Variants in SPG7 observed in about 807,000 individuals in gnomAD.
The protein encoded by SPG7 is SPG7 matrix AAA peptidase subunit, paraplegin.
In SPG7, 103 loss-of-function variants were observed where a neutral mutation model predicts 81.9. That is an observed-to-expected ratio of 1.26 (90% CI 1.07 to 1.48). The LOEUF (loss-of-function observed/expected upper bound fraction) is 1.48. Ranked by LOEUF, SPG7 falls within the 40% of genes most tolerant of loss-of-function variation. The pLI is 0.00. For synonymous variants in SPG7, 534 were observed against 444.2 expected, an observed-to-expected ratio of 1.20 and a Z score of -2.54; for missense variants, 1,241 against 1,087.3, an observed-to-expected ratio of 1.14 and a Z score of -1.99.
chr16:89,517,522 G>T (rs561030308), intron 3 of SPG7: 1 of 152,344 alleles, frequency 6.6e-6, no homozygotes, highest in Admixed American at 6.5e-5. Flanking sequence ...CAGTCACCAT[G>T]CCCTTTGCTC....
chr16:89,527,660 C>A (rs1452744454), intron 5 of SPG7, among the ~76,000 whole-genome samples: 2 of 152,150 alleles, frequency 1.3e-5, no homozygotes, highest in Non-Finnish European at 2.9e-5. Flanking sequence ...TGGGAGCTGT[C>A]AGCACGTATG....
chr16:89,536,032 C>G (rs1186489), intron 9 of SPG7, among the ~76,000 whole-genome samples: 18 of 115,864 alleles, frequency 1.6e-4, no homozygotes, highest in African/African-American at 3.0e-4. Flanking sequence ...GTGGCCTTCA[C>G]TGTGGCCTCT....
intron 1 of SPG7, among the ~76,000 whole-genome samples, chr16:89,510,187 C>T: frequency 6.6e-6 from 1 of 151,572 alleles, no homozygotes; most frequent in Non-Finnish European, 1.5e-5. Flanking sequence ...GTTGGCCAGG[C>T]TGGTCTCAAA....
chr16:89,553,377 G>T, intron 14 of SPG7: 1 of 567,496 alleles, frequency 1.8e-6, no homozygotes, highest in Non-Finnish European at 3.2e-6. Flanking sequence ...TTGGTTAATT[G>T]TTGGTAATGG....
At chr16:89,547,804 G>A (rs1053521755) in intron 11 of SPG7, 199 bp from the exon 12 acceptor site, 4 of 573,930 alleles carry the variant, frequency 7.0e-6, no homozygotes, top group Middle Eastern at 3.2e-4. Context: ...GTAGCAATAG[G>A]GTTTCACCCT....
At chr16:89,543,245 C>CCACCAGTGGATTCTTTTTTTTTTTTT (rs2058520948) in intron 9 of SPG7, 1 of 149,324 alleles carries the variant, frequency 6.7e-6, no homozygotes, top group South Asian at 2.2e-4. Flanking sequence ...CCGCGCCTGG[C>CCACCAGTGGATTCTTTTTTTTTTTTT]TATATCCTGT....
chr16:89,544,824 G>A (rs765441231), intron 10 of SPG7, 52 bp downstream of exon 10: 24 of 1,604,278 alleles, frequency 1.5e-5, no homozygotes, highest in Middle Eastern at 1.7e-4. Context: ...GCCCCCACTC[G>A]CTCTGAGTGG....
intron 6 of SPG7, chr16:89,530,382 G>A (rs571559388): frequency 6.3e-5 from 27 of 429,260 alleles, no homozygotes; most frequent in African/African-American, 5.0e-4. Context: ...TTGACCTCGT[G>A]ATCCGCCCAT....
chr16:89,534,904 G>A (rs948749045), intron 9 of SPG7, among the ~76,000 whole-genome samples: 1 of 152,194 alleles, frequency 6.6e-6, no homozygotes, highest in African/African-American at 2.4e-5. Flanking sequence ...TGTGTCATTT[G>A]TTGGTCTTGT....
chr16:89,550,636 C>G, intron 13 of SPG7, 27 bp downstream of exon 13: 2 of 1,533,202 alleles, frequency 1.3e-6, no homozygotes, highest in South Asian at 2.2e-5. Context: ...GCCGGCTCCA[C>G]GGGCCTTGGC....
chr16:89,546,875 G>T (rs1303621197), intron 11 of SPG7, 115 bp downstream of exon 11: 4 of 754,166 alleles, frequency 5.3e-6, no homozygotes, highest in Admixed American at 1.9e-5. Context: ...TTCTCTGGGG[G>T]CCTCTGCTCA....
At chr16:89,523,728 C>T in intron 3 of SPG7, 1 of 562,320 alleles carries the variant, frequency 1.8e-6, no homozygotes, top group East Asian at 4.2e-5. Flanking sequence ...GTGCCCAGGT[C>T]TAAGTGTTTC....
chr16:89,536,656 A>AGGCGGGTGAGATCG lies in SPG7; in HGVS notation c.1324+4024_1324+4025insGGTGAGATCGGGCG, dbSNP rs1567919177. On this transcript the variant is annotated intron_variant, in intron 9 of 16. Coordinates refer to ENST00000645818, the MANE Select transcript of SPG7 (RefSeq NM_003119.4). The stretch of plus-strand genomic sequence containing the variant: ...GTGAGGCGGGCGAGGTGGGCGAGGC[A>AGGCGGGTGAGATCG]GGCGAGGCGGGTGAGATCGGGCGAG... The AGGCGGGTGAGATCG allele has an allele frequency of 1.0e-5, 13 of 1,282,702 alleles. No homozygotes were observed. The East Asian group carries it at 1.2e-4, about 12-fold the overall frequency. 79.5% of individuals were successfully genotyped at this position (1,282,702 alleles called of 1,614,324 possible).
chr16:89,546,855 G>A (rs1052100177), intron 11 of SPG7, 95 bp downstream of exon 11: 24 of 828,844 alleles, frequency 2.9e-5, no homozygotes, highest in Non-Finnish European at 4.6e-5. Flanking sequence ...TGTGGGGTGG[G>A]CGCTGCTCCT....
intron 3 of SPG7, chr16:89,521,970 C>A (rs946272350): frequency 6.6e-6 from 1 of 152,078 alleles, no homozygotes; most frequent in Non-Finnish European, 1.5e-5. Context: ...AGAGTAGCTG[C>A]TGGGAAGTAT....
chr16:89,519,341 A>C (rs2058152016), intron 3 of SPG7: 1 of 151,630 alleles, frequency 6.6e-6, no homozygotes, highest in African/African-American at 2.4e-5. Context: ...ACGGTTGCTA[A>C]CTAGAACTAG....
chr16:89,509,786 C>CTTTTTTTTT (rs34140158), intron 1 of SPG7, among the ~76,000 whole-genome samples: 1 of 95,130 alleles, frequency 1.1e-5, no homozygotes, highest in African/African-American at 4.0e-5. Flanking sequence ...TTGTTTTCTT[C>CTTTTTTTTT]TTTTTTTTTT....
chr16:89,544,402 C>T (rs1003426516), intron 9 of SPG7: 5 of 465,134 alleles, frequency 1.1e-5, no homozygotes, highest in African/African-American at 4.0e-5. Context: ...TAGGAGCTCC[C>T]GGAGGGCCTT....
In SPG7 at chr16:89,553,050, C is replaced by G. The variant is rs375074544; in HGVS notation, c.1851C>G (p.Phe617Leu). ...TGCTCCCCAGAGACCAGCACCTCTT[C>G]ACCAAGGAGCAGCTGTTTGAGCGGA... ...AQMLPRDQHL[F>L]TKEQLFERMC... Residue 617 changes from phenylalanine to leucine, a missense_variant, in exon 14 of 17, where the codon TTC (phenylalanine) becomes TTG (leucine). Coordinates refer to ENST00000645818, the MANE Select transcript of SPG7 (RefSeq NM_003119.4). 2.3e-5 allele frequency: 37 copies of G among 1,613,970 alleles called. No homozygotes were observed. Among genetic ancestry groups the G allele is most frequent in the Non-Finnish European group, 2.8e-5 (33 of 1,180,018 alleles).
Sources: allele counts gnomAD v4.1 joint callset (sites outside exome capture counted in the v4.1 genomes callset), GRCh38; gene constraint gnomAD v4.1.1; transcripts MANE v1.5; gene names NCBI Gene and HGNC (gene_info 2026-07-23, HGNC 2026-07-21).